The following MR1 variants were observed in gnomAD, a reference collection of about 807,000 sequenced individuals.
MR1 encodes major histocompatibility complex, class I-related.
A neutral mutation model predicts 37.8 loss-of-function variants in MR1; 44 were observed. The observed-to-expected ratio is 1.16, with a 90% CI of 0.91 to 1.50. The LOEUF is 1.50. Ranked by LOEUF, MR1 falls within the 40% of genes most tolerant of loss-of-function variation. The pLI, the probability that MR1 is intolerant of heterozygous loss-of-function variation, is 0.00. For missense variants in MR1, 386 were observed against 419.1 expected, an observed-to-expected ratio of 0.92 and a Z score of 0.69; for synonymous variants, 153 against 155.8, an observed-to-expected ratio of 0.98 and a Z score of 0.13.
intron 1 of MR1, among the ~76,000 whole-genome samples, chr1:181,045,853 C>T (rs1280975101): frequency 6.6e-6 from 1 of 152,232 alleles, no homozygotes; most frequent in Non-Finnish European, 1.5e-5. Context: ...CGAGCGGGAA[C>T]CCGGGCTGCG....
Position 181,050,565 on chromosome 1 carries a change from A to G in MR1, c.604+279A>G, listed in dbSNP as rs76993329. ...TGAGGCAAATTCTTCCATTCCGTCA[A>G]TGATAAGCTGGGAAATTCTTTGGGA... On this transcript the variant is annotated intron_variant, in intron 3 of 5. Transcript: ENST00000367580. 5.2e-3 allele frequency: 2,174 copies of G among 421,498 alleles called. 34 individuals are homozygous for G. The highest frequency in any genetic ancestry group is 0.026 in the African/African-American group (1,289 of 50,024). 26.1% of individuals were successfully genotyped at this position (421,498 alleles called of 1,614,324 possible). A position where few individuals can be genotyped will look rare whatever the true frequency, so the allele number is the denominator to read the frequency against.
intron 1 of MR1, among the ~76,000 whole-genome samples, chr1:181,039,807 A>C (rs1225223857): frequency 2.0e-5 from 3 of 149,906 alleles, no homozygotes; most frequent in Non-Finnish European, 4.4e-5. Context: ...CAGAGGTTGC[A>C]GTGAGCCAAG....
intron 1 of MR1, among the ~76,000 whole-genome samples, chr1:181,039,934 A>G (rs1050469617): frequency 3.9e-5 from 6 of 152,144 alleles, no homozygotes; most frequent in Admixed American, 2.6e-4. Flanking sequence ...CACTTCATCA[A>G]TTATTTTACA....
intron 1 of MR1, among the ~76,000 whole-genome samples, chr1:181,034,313 C>A (rs1209084241): frequency 6.6e-6 from 1 of 152,212 alleles, no homozygotes; most frequent in African/African-American, 2.4e-5. Context: ...GACTCTGGAA[C>A]TTCCTCACTT....
At chr1:181,042,333 C>G (rs560776879) in intron 1 of MR1, among the ~76,000 whole-genome samples, 2 of 151,492 alleles carry the variant, frequency 1.3e-5, no homozygotes, top group East Asian at 4.0e-4. Flanking sequence ...TCCCTAGTAG[C>G]TGGGATTACA....
At chr1:181,039,051 T>C (rs149539998) in intron 1 of MR1, among the ~76,000 whole-genome samples, 1,844 of 152,286 alleles carry the variant, frequency 0.012, 36 homozygotes, top group African/African-American at 0.042. Flanking sequence ...GTGATCCGCC[T>C]GCCTTGGCCC....
intron 1 of MR1, chr1:181,036,956 G>C (rs930960862): frequency 3.3e-5 from 5 of 152,210 alleles, no homozygotes; most frequent in African/African-American, 9.6e-5. Flanking sequence ...TATTAAAAAG[G>C]TGTTTCATGC....
At chr1:181,037,887 C>T (rs998824130) in intron 1 of MR1, among the ~76,000 whole-genome samples, 1 of 152,208 alleles carries the variant, frequency 6.6e-6, no homozygotes, top group Non-Finnish European at 1.5e-5. Flanking sequence ...CATAGTCCTA[C>T]AGGGCTCACT....
chr1:181,039,865 C>CAAAAAAA (rs35762032), intron 1 of MR1, among the ~76,000 whole-genome samples: 3 of 89,764 alleles, frequency 3.3e-5, no homozygotes, highest in Non-Finnish European at 2.4e-5. Flanking sequence ...GACTCCATCT[C>CAAAAAAA]AAAAAAAAAA....
chr1:181,054,627 G>A (rs1383856903), intron 5 of MR1, among the ~76,000 whole-genome samples: 3 of 151,852 alleles, frequency 2.0e-5, no homozygotes, highest in South Asian at 4.2e-4. Flanking sequence ...CGAGGCAGGC[G>A]GATCACTTGA....
At chr1:181,035,148 A>C (rs1657206872) in intron 1 of MR1, among the ~76,000 whole-genome samples, 2 of 151,962 alleles carry the variant, frequency 1.3e-5, no homozygotes, top group South Asian at 4.1e-4. Flanking sequence ...AAAAATACAA[A>C]AAATTAGCTC....
chr1:181,047,507 G>C (rs2102385984), intron 1 of MR1, among the ~76,000 whole-genome samples: 1 of 152,340 alleles, frequency 6.6e-6, no homozygotes, highest in South Asian at 2.1e-4. Context: ...GCTGAGGCAG[G>C]AGAATCACTT....
At chr1:181,048,391 C>G (rs1658043807) in intron 1 of MR1, among the ~76,000 whole-genome samples, 1 of 151,928 alleles carries the variant, frequency 6.6e-6, no homozygotes. Context: ...AAAAATTAGC[C>G]AGGCGTGGTG....
chr1:181,050,304 G>T lies in MR1; in HGVS notation c.604+18G>T, dbSNP rs1294658764. The T allele has an allele frequency of 1.2e-6, 2 of 1,613,952 alleles. No homozygotes were observed. The highest frequency in any genetic ancestry group is 4.5e-5 in the East Asian group (2 of 44,874). ...AAGAACAGGTAAAGAGAAAGAGAAG[G>T]CCTCATTCCCACATTGCCTGAACAA... On this transcript the variant is annotated intron_variant, in intron 3 of 5. Transcript: ENST00000367580.
At chr1:181,046,739 T>G (rs1657901088) in intron 1 of MR1, among the ~76,000 whole-genome samples, 1 of 152,122 alleles carries the variant, frequency 6.6e-6, no homozygotes, top group African/African-American at 2.4e-5. Context: ...GCTCACTCTT[T>G]GGGTCCACAC....
Position 181,050,403 on chromosome 1 carries a change from A to T in MR1, c.604+117A>T, listed in dbSNP as rs1658244894. On this transcript the variant is annotated intron_variant, in intron 3 of 5. Coordinates refer to ENST00000367580, the MANE Select transcript of MR1 (RefSeq NM_001385161.1). ...TGAAAGCCATCTCTTTAGTTGGCCT[A>T]TTGTGATCTCATGGCTAGAGCCCCC... 1.1e-5 allele frequency: 15 copies of T among 1,333,970 alleles called. No homozygotes were observed. The South Asian group carries it at 1.5e-4, about 13-fold the overall frequency. The allele number at this position is 1,333,970 out of a possible 1,614,324, so 82.6% of individuals were successfully genotyped here. A position where few individuals can be genotyped will look rare whatever the true frequency, so the allele number is the denominator to read the frequency against.
chr1:181,047,953 C>A (rs1452405915), intron 1 of MR1, among the ~76,000 whole-genome samples: 1 of 150,950 alleles, frequency 6.6e-6, no homozygotes, highest in African/African-American at 2.4e-5. Flanking sequence ...CGCGGTGGCT[C>A]ACGCCTGTAA....
In MR1 at chr1:181,052,980, G is replaced by A. The variant is rs1340766376; in HGVS notation, c.880+470G>A. Among the ~76,000 whole-genome samples, 3 of 151,990 alleles carry A rather than the reference G, an allele frequency of 2.0e-5. No individual in the cohort carries two copies. In the South Asian group the frequency reaches 6.2e-4, roughly 31 times the overall value. ...TCCTGGAGGCTGAGGCAGGAGAATC[G>A]CTTGAACCTGGGAGGTGGAGGTTGC... On this transcript the variant is annotated intron_variant, in intron 4 of 5. Transcript: ENST00000367580.
chr1:181,043,249 G>A (rs1657663477), intron 1 of MR1, among the ~76,000 whole-genome samples: 1 of 152,190 alleles, frequency 6.6e-6, no homozygotes, highest in Non-Finnish European at 1.5e-5. Flanking sequence ...AATACAGAGG[G>A]ACATTGGGAC....
Sources: gnomAD v4.1 joint callset for allele counts (sites outside exome capture counted in the v4.1 genomes callset) on GRCh38, gnomAD v4.1.1 for gene constraint, MANE v1.5 for transcripts, NCBI Gene and HGNC (gene_info 2026-07-23, HGNC 2026-07-21) for gene names.